The following KDM6A variants were observed in gnomAD, a reference collection of about 807,000 sequenced individuals.
The protein encoded by KDM6A is lysine-specific demethylase 6A.
A neutral mutation model predicts 117.6 loss-of-function variants in KDM6A; 11 were observed. The ratio of observed to expected loss-of-function variants is 0.09; its 90% CI spans 0.06 to 0.15. KDM6A has a LOEUF of 0.15. Among genes scored for constraint, KDM6A ranks in the 10% least tolerant of loss-of-function variants. The pLI is 1.00. For missense variants in KDM6A, 799 were observed against 1,077.3 expected (o/e 0.74, Z 3.62); for synonymous variants, 384 against 396.1 (o/e 0.97, Z 0.36).
At chrX:45,098,197 C>T (rs1025168374) in intron 27 of KDM6A, among the ~76,000 whole-genome samples, 1 of 112,259 alleles carries the variant, frequency 8.9e-6, no homozygotes, top group African/African-American at 3.2e-5. Flanking sequence ...CTAAAAATTT[C>T]AGGTAGACTT....
intron 2 of KDM6A, among the ~76,000 whole-genome samples, chrX:44,922,100 T>C (rs2035993130): frequency 1.1e-5 from 1 of 87,977 alleles, no homozygotes; most frequent in South Asian, 7.6e-4. Context: ...TGGAGTTCAG[T>C]GGCACAGTCT....
At chrX:45,073,067 C>T (rs1259945970) in intron 18 of KDM6A, among the ~76,000 whole-genome samples, 1 of 109,539 alleles carries the variant, frequency 9.1e-6, no homozygotes, top group African/African-American at 3.3e-5. Flanking sequence ...GTTCCTCACC[C>T]TGTGTCCATG....
At chrX:44,875,913 T>A (rs1338754683) in intron 2 of KDM6A, among the ~76,000 whole-genome samples, 3 of 112,168 alleles carry the variant, frequency 2.7e-5, no homozygotes, top group Non-Finnish European at 5.6e-5. Flanking sequence ...GATTTCGGAT[T>A]GTAATATTAA....
At chrX:45,030,666 T>C (rs1442479996) in intron 6 of KDM6A, among the ~76,000 whole-genome samples, 1 of 110,996 alleles carries the variant, frequency 9.0e-6, no homozygotes. Flanking sequence ...ATTTTAGGAA[T>C]CAAGTTTGTT....
Position 45,059,322 on chromosome X carries a change from C to T in KDM6A, c.1050C>T (p.Gly350=), listed in dbSNP as rs2147960565. 8.3e-7 allele frequency: 1 copy of T among 1,211,104 alleles called. No individual in the cohort carries two copies. The highest frequency in any genetic ancestry group is 1.7e-5 in the African/African-American group (1 of 57,707). Reference sequence around the variant, plus strand: ...TTTGTGCTGTACAATTGGACCATGGCCATGCTGCAGCCTGGATGGACCTAG... The same window carrying T: ...TTTGTGCTGTACAATTGGACCATGGTCATGCTGCAGCCTGGATGGACCTAG... ...AYICAVQLDH[G]HAAAWMDLGT... is the part of the protein sequence containing the mutation. Residue 350 remains glycine (G), a synonymous_variant, in exon 12 of 30, where the codon GGC becomes GGT. Transcript: ENST00000611820.
chrX:45,065,697 A>G (rs2044501538), intron 17 of KDM6A, among the ~76,000 whole-genome samples: 1 of 111,994 alleles, frequency 8.9e-6, no homozygotes, highest in African/African-American at 3.3e-5. Flanking sequence ...GATGGATGAA[A>G]CTGGATGGTA....
intron 8 of KDM6A, among the ~76,000 whole-genome samples, chrX:45,050,147 C>T (rs759511947): frequency 9.4e-4 from 106 of 112,970 alleles, no homozygotes; most frequent in African/African-American, 3.3e-3. Flanking sequence ...CGAGACCAGC[C>T]TGACCAACAT....
intron 4 of KDM6A, among the ~76,000 whole-genome samples, chrX:45,002,680 C>G (rs923059289): frequency 9.0e-6 from 1 of 111,632 alleles, no homozygotes; most frequent in African/African-American, 3.3e-5. Context: ...AATTATATAA[C>G]ATTTCTTGCA....
At position 45,063,537 on chromosome X, in the gene KDM6A, C is replaced by T. The variant is rs2147992525; in HGVS notation, c.1799C>T (p.Thr600Ile). 8.3e-7 allele frequency: 1 copy of T among 1,211,820 alleles called. No individual in the cohort carries two copies. The highest frequency in any genetic ancestry group is 1.1e-6 in the Non-Finnish European group (1 of 895,492). ...GGCCAGCAGCCACAGCTTGCTCTGA[C>T]CAGAGTGCCTAGCGTCTCTCAGCCT... The part of the protein sequence containing the change: ...VSGQQPQLAL[T>I]RVPSVSQPGV... The change falls in exon 17 of 30, where the codon ACC (threonine) becomes ATC (isoleucine). Residue 600 changes from threonine (T) to isoleucine (I), a missense_variant. This residue lies in a region of KDM6A where 301 missense variants were observed against 318.3 expected (regional missense o/e 0.95). Coordinates refer to ENST00000611820, the MANE Select transcript of KDM6A (RefSeq NM_001291415.2).
At chrX:45,028,766 G>T (rs1233837748) in intron 6 of KDM6A, among the ~76,000 whole-genome samples, 1 of 112,102 alleles carries the variant, frequency 8.9e-6, no homozygotes, top group Non-Finnish European at 1.9e-5. Flanking sequence ...ACTTAATAAT[G>T]CTTTCTCTAT....
chrX:44,940,927 C>T (rs755979398), intron 2 of KDM6A, among the ~76,000 whole-genome samples: 1 of 110,724 alleles, frequency 9.0e-6, no homozygotes, highest in Non-Finnish European at 1.9e-5. Context: ...CCCAGCTACT[C>T]GGGAGGCCGA....
At chrX:45,054,594 A>C (rs980757537) in intron 10 of KDM6A, among the ~76,000 whole-genome samples, 7 of 111,895 alleles carry the variant, frequency 6.3e-5, no homozygotes, top group Admixed American at 1.9e-4. Flanking sequence ...GATCTGAACT[A>C]TACCTCATGC....
intron 27 of KDM6A, among the ~76,000 whole-genome samples, chrX:45,104,211 A>G (rs967655414): frequency 9.0e-6 from 1 of 111,205 alleles, no homozygotes; most frequent in Admixed American, 9.5e-5. Flanking sequence ...TTTAGTAGAG[A>G]CGGGGTTTCT....
Position 44,944,332 on chromosome X carries a change from A to G in KDM6A, c.226-16952A>G, listed in dbSNP as rs866950687. On this transcript the variant is annotated intron_variant, in intron 2 of 29. Coordinates refer to ENST00000611820, the MANE Select transcript of KDM6A (RefSeq NM_001291415.2). ...GCCCCATTGCACTCCAGCCTGGGCA[A>G]CAGAGTGAAACTCTGTTAGGACATG... 8.0e-4 allele frequency among the ~76,000 whole-genome samples: 89 copies of G among 111,747 alleles called. No homozygotes were observed. In the Middle Eastern group the frequency reaches 0.023, roughly 29 times the overall value.
intron 2 of KDM6A, among the ~76,000 whole-genome samples, chrX:44,949,346 T>A (rs2037843624): frequency 8.9e-6 from 1 of 111,903 alleles, no homozygotes; most frequent in Non-Finnish European, 1.9e-5. Context: ...GTGAACATGA[T>A]GGTGTGCCTC....
chrX:45,037,737 A>G, intron 8 of KDM6A, 48 bp downstream of exon 8: 1 of 954,776 alleles, frequency 1.0e-6, no homozygotes, highest in South Asian at 1.9e-5. Flanking sequence ...AACAAAAATC[A>G]TTACTCCTAT....
chrX:45,066,083 G>T (rs1488756993), intron 17 of KDM6A, among the ~76,000 whole-genome samples: 1 of 111,921 alleles, frequency 8.9e-6, no homozygotes, highest in Admixed American at 9.5e-5. Context: ...TGTAAAAAAA[G>T]AATAATATAT....
chrX:45,083,834 AT>A (rs1325209399), intron 24 of KDM6A, among the ~76,000 whole-genome samples: 1 of 111,485 alleles, frequency 9.0e-6, no homozygotes, highest in Non-Finnish European at 1.9e-5. Flanking sequence ...GAAAGGGGTC[AT>A]TGGAGCACCA....
chrX:44,944,300 C>T (rs891510097), intron 2 of KDM6A, among the ~76,000 whole-genome samples: 28 of 111,461 alleles, frequency 2.5e-4, no homozygotes, highest in African/African-American at 8.5e-4. Context: ...TGCAGTGAGC[C>T]GAAGTTGCCC....
Sources: allele counts gnomAD v4.1 joint callset (sites outside exome capture counted in the v4.1 genomes callset), GRCh38; gene constraint gnomAD v4.1.1; regional missense constraint gnomAD v4.1.1; transcripts MANE v1.5; gene names NCBI Gene and HGNC (gene_info 2026-07-23, HGNC 2026-07-21).